Variants in RLIM observed in about 807,000 individuals in gnomAD.
The protein encoded by RLIM is E3 ubiquitin-protein ligase RLIM.
A neutral mutation model predicts 34.0 loss-of-function variants in RLIM; 2 were observed. The observed-to-expected ratio is 0.06, with a 90% CI of 0.02 to 0.19. The LOEUF (loss-of-function observed/expected upper bound fraction) is 0.19, where lower values mean the gene tolerates loss of function less well. Among genes scored for constraint, RLIM ranks in the 10% least tolerant of loss-of-function variants. RLIM has a pLI of 1.00. For synonymous variants in RLIM, 169 were observed against 164.0 expected, an observed-to-expected ratio of 1.03 and a Z score of -0.23; for missense variants, 286 against 479.7, an observed-to-expected ratio of 0.60 and a Z score of 3.77.
At position 74,591,843 on chromosome X, in the gene RLIM, T is replaced by A. The variant is rs761469143; in HGVS notation, c.1472A>T (p.Asp491Val). The A allele has an allele frequency of 2.5e-6, 3 of 1,211,203 alleles. No individual in the cohort carries two copies. The Admixed American group carries it at 6.5e-5, about 26-fold the overall frequency. Residue 491 changes from aspartate (D) to valine (V), a missense_variant, in exon 4 of 4, where the codon GAT (aspartate) becomes GTT (valine). Around this residue, in one of 6 missense-constraint regions of RLIM, gnomAD observed 69 missense variants for 83.5 expected, o/e 0.83. Coordinates refer to ENST00000332687, the MANE Select transcript of RLIM (RefSeq NM_016120.4). ...TCCTTCATTACTGCCTTCAAATAAATCTGAGCTAGTTTCTGAACTTTCACC... is the reference window on the plus strand; with the variant it reads ...TCCTTCATTACTGCCTTCAAATAAAACTGAGCTAGTTTCTGAACTTTCACC... ...SGGESSETSSDLFEGSNEGSS... is the reference protein window; with the variant it reads ...SGGESSETSSVLFEGSNEGSS...
rs180766698 is a variant in RLIM, at chrX:74,602,170, C to G, written c.-23-6170G>C. ...ATTATCAGTGGATTCCTAGGATGGG[C>G]TGAAATAAAAACAATGGTAAATATC... On this transcript the variant is annotated intron_variant, in intron 1 of 3. Transcript: ENST00000332687. Among the ~76,000 whole-genome samples, 941 of 111,335 alleles carry G rather than the reference C, an allele frequency of 8.5e-3. 6 individuals carry two copies. Among genetic ancestry groups the G allele is most frequent in the African/African-American group, 0.028 (871 of 30,607 alleles).
Position 74,584,886 on chromosome X carries a change from G to A in RLIM, c.*6554C>T, listed in dbSNP as rs1428551667. ...AAACTTAAAACCTTGGGAAGGTCAT[G>A]AGTTGAAGAGCTGACTACATCAAAA... is the stretch of plus-strand genomic sequence containing the variant. On this transcript the variant is annotated 3_prime_UTR_variant, in exon 4 of 4. Coordinates refer to ENST00000332687, the MANE Select transcript of RLIM (RefSeq NM_016120.4). 3.6e-5 allele frequency among the ~76,000 whole-genome samples: 4 copies of A among 112,174 alleles called. No homozygotes were observed. Among genetic ancestry groups the A allele is most frequent in the Non-Finnish European group, 5.6e-5 (3 of 53,294 alleles).
intron 1 of RLIM, among the ~76,000 whole-genome samples, chrX:74,600,463 A>G (rs575142891): frequency 9.3e-4 from 104 of 111,874 alleles, no homozygotes; most frequent in Middle Eastern, 4.6e-3. Flanking sequence ...TTTGCTAAGA[A>G]CATTTAACTA....
At chrX:74,603,867 T>C (rs1157448618) in intron 1 of RLIM, among the ~76,000 whole-genome samples, 1 of 111,474 alleles carries the variant, frequency 9.0e-6, no homozygotes, top group Non-Finnish European at 1.9e-5. Flanking sequence ...CCCAGCACTT[T>C]GGGAGGCCGA....
rs762719398 is a variant in RLIM at position 74,597,304 on chromosome X, A to T, written c.-23-1304T>A. ...AGTATAGTGGTCCAAAAAGCTGGGAATATTGAAAAGCAATGTCACTAATCA... is the reference window on the plus strand; with the variant it reads ...AGTATAGTGGTCCAAAAAGCTGGGATTATTGAAAAGCAATGTCACTAATCA... On this transcript the variant is annotated intron_variant, in intron 1 of 3. Transcript: ENST00000332687. 4.5e-5 allele frequency among the ~76,000 whole-genome samples: 5 copies of T among 112,239 alleles called. No individual in the cohort carries two copies. The South Asian group carries it at 1.8e-3, about 41-fold the overall frequency.
In RLIM at chrX:74,585,115, T is replaced by G. The variant is rs958174598; in HGVS notation, c.*6325A>C. On this transcript the variant is annotated 3_prime_UTR_variant, in exon 4 of 4. Coordinates refer to ENST00000332687, the MANE Select transcript of RLIM (RefSeq NM_016120.4). ...ACAAGCACACGTGCACACCTACAAG[T>G]TTTTGTATATATACAGGGCAAGCAA... 1.1e-4 allele frequency: 12 copies of G among 111,880 alleles called. No homozygotes were observed. The highest frequency in any genetic ancestry group is 2.3e-4 in the Non-Finnish European group (12 of 53,197). 9.2% of individuals were successfully genotyped at this position (111,880 alleles called of 1,213,427 possible). A position where few individuals can be genotyped will look rare whatever the true frequency, so the allele number is the denominator to read the frequency against.
At chrX:74,598,778 CAAA>C (rs36109028) in intron 1 of RLIM, among the ~76,000 whole-genome samples, 20 of 65,874 alleles carry the variant, frequency 3.0e-4, no homozygotes, top group Admixed American at 8.2e-4. Context: ...GACTCTGTTT[CAAA>C]AAAAAAAAAA....
intron 1 of RLIM, among the ~76,000 whole-genome samples, chrX:74,607,223 C>G (rs1422629810): frequency 1.8e-5 from 2 of 111,756 alleles, no homozygotes; most frequent in African/African-American, 6.5e-5. Flanking sequence ...GGTAACGTAA[C>G]ATCAACTAAC....
chrX:74,586,710 T>C lies in RLIM; in HGVS notation c.*4730A>G, dbSNP rs2079588630. On this transcript the variant is annotated 3_prime_UTR_variant, in exon 4 of 4. Transcript: ENST00000332687. The stretch of plus-strand genomic sequence containing the variant: ...TGTTCCAGTTAAGGAAAATAATTCT[T>C]AATTTCATAATCCTAAAACTTTTTC... 8.9e-6 allele frequency: 1 copy of C among 112,762 alleles called. No individual in the cohort carries two copies. The highest frequency in any genetic ancestry group is 3.2e-5 in the African/African-American group (1 of 31,074). The allele number at this position is 112,762 out of a possible 1,213,427, so 9.3% of individuals were successfully genotyped here.
At chrX:74,613,777 G>A (rs1038590813) in intron 1 of RLIM, among the ~76,000 whole-genome samples, 11 of 109,500 alleles carry the variant, frequency 1.0e-4, no homozygotes, top group African/African-American at 3.7e-4. Flanking sequence ...CTCTTTTGCG[G>A]GGGGATCCTT....
chrX:74,603,043 TA>T (rs2147378629), intron 1 of RLIM, among the ~76,000 whole-genome samples: 1 of 109,717 alleles, frequency 9.1e-6, no homozygotes, highest in East Asian at 2.9e-4. Context: ...TCTCCTGAGA[TA>T]ATCAAGCAGA....
intron 1 of RLIM, among the ~76,000 whole-genome samples, chrX:74,599,309 C>T (rs781313029): frequency 2.8e-4 from 31 of 111,837 alleles, no homozygotes; most frequent in African/African-American, 1.0e-3. Flanking sequence ...CAATGAACTG[C>T]ACACTAATAA....
rs182483014 is a variant in RLIM at position 74,602,597 on chromosome X, C to T, written c.-23-6597G>A. ...AAAAAATACAAAAAAATTATCTGGG[C>T]GTGGTGGCGCATGCCTGTAGTCCCA... On this transcript the variant is annotated intron_variant, in intron 1 of 3. Transcript: ENST00000332687. 2.3e-3 allele frequency among the ~76,000 whole-genome samples: 256 copies of T among 111,369 alleles called. 1 individual carries two copies. The highest frequency in any genetic ancestry group is 6.8e-3 in the African/African-American group (207 of 30,635).
rs1256417686 is a variant in RLIM, at chrX:74,584,993, C to A, written c.*6447G>T. On this transcript the variant is annotated 3_prime_UTR_variant, in exon 4 of 4. Coordinates refer to ENST00000332687, the MANE Select transcript of RLIM (RefSeq NM_016120.4). ...GGAAATGAAACTATAATACAATACA[C>A]CAGGTGTCACAATGTGACGATTTAC... Among the ~76,000 whole-genome samples, 3 of 111,688 alleles carry A rather than the reference C, an allele frequency of 2.7e-5. No individual in the cohort carries two copies.
At chrX:74,600,116 G>A (rs771723868) in intron 1 of RLIM, among the ~76,000 whole-genome samples, 1 of 110,122 alleles carries the variant, frequency 9.1e-6, no homozygotes, top group Admixed American at 9.8e-5. Context: ...GTGGTGGTGG[G>A]GGGGAGATCA....
chrX:74,604,273 TAC>T (rs765557491), intron 1 of RLIM, among the ~76,000 whole-genome samples: 79 of 111,560 alleles, frequency 7.1e-4, no homozygotes, highest in Non-Finnish European at 1.3e-3. Context: ...AGCAAAACAA[TAC>T]AGTTGTGTTT....
At chrX:74,609,881 T>C (rs1001355847) in intron 1 of RLIM, among the ~76,000 whole-genome samples, 1 of 111,954 alleles carries the variant, frequency 8.9e-6, no homozygotes, top group African/African-American at 3.2e-5. Context: ...GAAGGGACCT[T>C]TTGTCATTCC....
At chrX:74,613,587 G>C (rs1331931330) in intron 1 of RLIM, among the ~76,000 whole-genome samples, 1 of 107,214 alleles carries the variant, frequency 9.3e-6, no homozygotes, top group Non-Finnish European at 1.9e-5. Context: ...TAGTTACTAA[G>C]CTATGGCATG....
chrX:74,583,694 C>T lies in RLIM; in HGVS notation c.*7746G>A. The T allele has an allele frequency of 2.8e-6, 1 of 353,246 alleles. No individual in the cohort carries two copies. The highest frequency in any genetic ancestry group is 5.0e-5 in the East Asian group (1 of 20,054). The allele number at this position is 353,246 out of a possible 1,213,427, so 29.1% of individuals were successfully genotyped here. On this transcript the variant is annotated 3_prime_UTR_variant, in exon 4 of 4. Transcript: ENST00000332687. ...AGTGCTAAGGTGTATCTGGTAATGC[C>T]CAGTGCTTTACTGAATTTACAGTAT...
Sources: allele counts gnomAD v4.1 joint callset (sites outside exome capture counted in the v4.1 genomes callset), GRCh38; gene constraint gnomAD v4.1.1; regional missense constraint gnomAD v4.1.1; transcripts MANE v1.5; gene names NCBI Gene and HGNC (gene_info 2026-07-23, HGNC 2026-07-21).